FBXO24: variants seen among roughly 807,000 people sequenced by gnomAD.
The protein encoded by FBXO24 is F-box only protein 24.
FBXO24 carries 30 observed loss-of-function variants against 63.5 expected under a neutral mutation model. The ratio of observed to expected loss-of-function variants is 0.47; its 90% confidence interval spans 0.35 to 0.64. The LOEUF (loss-of-function observed/expected upper bound fraction) is 0.64, where lower values mean the gene tolerates loss of function less well. FBXO24 is among the 30% of genes least tolerant of loss of function. The pLI is 0.00. For missense variants in FBXO24, 624 were observed against 763.4 expected (o/e 0.82, Z 2.15); for synonymous variants, 300 against 305.0 (o/e 0.98, Z 0.17).
At position 100,600,559 on chromosome 7, in the gene FBXO24, G is replaced by C. The variant is rs1276693296; in HGVS notation, c.1403G>C (p.Cys468Ser). ...VKVPLCACALCATRECLYILS... is the reference protein window; with the variant it reads ...VKVPLCACALSATRECLYILS... ...GTCCCTCTGTGTGCCTGTGCCCTCTGTGCCACCAGGGAGTGCCTATACATC... is the reference window on the plus strand; with the variant it reads ...GTCCCTCTGTGTGCCTGTGCCCTCTCTGCCACCAGGGAGTGCCTATACATC... The change falls in exon 10 of 10, where the codon TGT (cysteine) becomes TCT (serine). Residue 468 changes from cysteine to serine, a missense_variant. Coordinates refer to ENST00000241071, the MANE Select transcript of FBXO24 (RefSeq NM_033506.3). The surrounding 1 kb of genome is among the most constrained non-coding windows in gnomAD (Gnocchi z 6.3). The C allele has an allele frequency of 1.9e-6, 3 of 1,577,468 alleles. No homozygotes were observed. The highest frequency in any genetic ancestry group is 2.6e-6 in the Non-Finnish European group (3 of 1,159,074).
At chr7:100,587,370 T>C (rs910499861) in intron 1 of FBXO24, among the ~76,000 whole-genome samples, 3 of 146,230 alleles carry the variant, frequency 2.1e-5, no homozygotes, top group African/African-American at 7.7e-5. Context: ...TGGCGCGATC[T>C]CGGCTCACAG....
chr7:100,591,712 G>A lies in FBXO24; in HGVS notation c.368G>A (p.Cys123Tyr), dbSNP rs1802037723. ...CAGGCATTTGGAGGCCGCCGCCGAT[G>A]TCTCAGCAAGAGCGTGGCCCCCTTG... is the stretch of plus-strand genomic sequence containing the variant. ...YFQAFGGRRRCLSKSVAPLLA... is the reference protein window; with the variant it reads ...YFQAFGGRRRYLSKSVAPLLA... The change falls in exon 4 of 10, where the codon TGT (cysteine) becomes TAT (tyrosine). Residue 123 changes from cysteine to tyrosine, a missense_variant. Coordinates refer to ENST00000241071, the MANE Select transcript of FBXO24 (RefSeq NM_033506.3). The A allele has an allele frequency of 6.2e-7, 1 of 1,614,228 alleles. No homozygotes were observed. Among genetic ancestry groups the A allele is most frequent in the Admixed American group, 1.7e-5 (1 of 60,024 alleles).
At position 100,600,333 on chromosome 7, in the gene FBXO24, C is replaced by A; in HGVS notation, c.1377+132C>A. 7.4e-7 allele frequency: 1 copy of A among 1,357,110 alleles called. No individual in the cohort carries two copies. The highest frequency in any genetic ancestry group is 9.9e-7 in the Non-Finnish European group (1 of 1,012,880). 84.1% of individuals were successfully genotyped at this position (1,357,110 alleles called of 1,614,324 possible). On this transcript the variant is annotated intron_variant, in intron 9 of 9. Coordinates refer to ENST00000241071, the MANE Select transcript of FBXO24 (RefSeq NM_033506.3). The surrounding 1 kb of genome is among the most constrained non-coding windows in gnomAD (Gnocchi z 6.3). Reference sequence around the variant, plus strand: ...TTCCCTAGCACCACCCCACCTCCCTCCTCTGCCGCACACCACGCTCTCTGC... The same window carrying A: ...TTCCCTAGCACCACCCCACCTCCCTACTCTGCCGCACACCACGCTCTCTGC...
At chr7:100,591,518 A>G (rs992225000) in intron 3 of FBXO24, 149 bp from the exon 4 acceptor site, 3 of 664,278 alleles carry the variant, frequency 4.5e-6, no homozygotes, top group Non-Finnish European at 7.8e-6. Flanking sequence ...TATTTTCCAC[A>G]TCTCCTTCAT....
chr7:100,589,732 G>C (rs1369371428), intron 1 of FBXO24: 1 of 1,547,998 alleles, frequency 6.5e-7, no homozygotes, highest in South Asian at 1.2e-5. Context: ...ATGGTCAGGG[G>C]AAGCCAGAGA....
rs779983287 is a variant in FBXO24 at position 100,600,539 on chromosome 7, T to C, written c.1383T>C (p.Pro461=). The change falls in exon 10 of 10, where the codon CCT becomes CCC. Residue 461 remains proline, a synonymous_variant. Coordinates refer to ENST00000241071, the MANE Select transcript of FBXO24 (RefSeq NM_033506.3). The surrounding 1 kb of genome is among the most constrained non-coding windows in gnomAD (Gnocchi z 6.3). ...ASFVKLQVKV[P]LCACALCATR... is the part of the protein sequence containing the mutation. ...CCTTTCTCTCCTCCTCCAAGGTCCC[T>C]CTGTGTGCCTGTGCCCTCTGTGCCA... 1.9e-6 allele frequency: 3 copies of C among 1,551,782 alleles called. No homozygotes were observed. Among genetic ancestry groups the C allele is most frequent in the Middle Eastern group, 1.7e-4 (1 of 5,738 alleles).
At chr7:100,587,602 CTTT>C (rs138687549) in intron 1 of FBXO24, among the ~76,000 whole-genome samples, 1 of 117,828 alleles carries the variant, frequency 8.5e-6, no homozygotes, top group Non-Finnish European at 1.7e-5. Flanking sequence ...CGCGCCCGGC[CTTT>C]TTTTTTTTTT....
In FBXO24 at chr7:100,594,579, T is replaced by G; in HGVS notation, c.952+38T>G. ...TCCCCCCGGCTCAAGCCCGCAGCCT[T>G]GGTTAGACCCTCTAAACATCAACAC... On this transcript the variant is annotated intron_variant, in intron 6 of 9. Transcript: ENST00000241071. This position sits in a 1 kb window ranked among gnomAD's most constrained non-coding sequence, Gnocchi z 4.2. 2.7e-6 allele frequency: 4 copies of G among 1,506,406 alleles called. No individual in the cohort carries two copies. Among genetic ancestry groups the G allele is most frequent in the Non-Finnish European group, 3.6e-6 (4 of 1,125,954 alleles). 93.3% of individuals were successfully genotyped at this position (1,506,406 alleles called of 1,614,324 possible). A position where few individuals can be genotyped will look rare whatever the true frequency, so the allele number is the denominator to read the frequency against.
At position 100,593,010 on chromosome 7, in the gene FBXO24, C is replaced by T. The variant is rs759135273; in HGVS notation, c.786C>T (p.Leu262=). ...AGGAGACCCAGCGGGCTCTACTGCT[C>T]CTCACAGGTGTGGCCCAAAGCAATG... The part of the protein sequence containing the change: ...VGQETQRALL[L]LTEEGKIYSL... The change falls in exon 5 of 10, where the codon CTC becomes CTT. Residue 262 remains leucine, a synonymous_variant. Transcript: ENST00000241071. The T allele has an allele frequency of 2.5e-6, 4 of 1,613,674 alleles. No homozygotes were observed. The highest frequency in any genetic ancestry group is 1.1e-5 in the South Asian group (1 of 91,012).
chr7:100,586,493 G>A lies in FBXO24; in HGVS notation c.-133G>A, dbSNP rs1801758718. On this transcript the variant is annotated 5_prime_UTR_variant, in exon 1 of 10. Transcript: ENST00000241071. ...GGCCGAGGGACCGCAAGCAGGGGGT[G>A]CCTAGTCCTCGTCCCCCAAAGACCA... is the stretch of plus-strand genomic sequence containing the variant. 2.2e-6 allele frequency: 2 copies of A among 913,634 alleles called. No individual in the cohort carries two copies. The highest frequency in any genetic ancestry group is 1.8e-6 in the Non-Finnish European group (1 of 568,446). The allele number at this position is 913,634 out of a possible 1,614,324, so 56.6% of individuals were successfully genotyped here.
chr7:100,592,762 C>T (rs757947812), intron 4 of FBXO24, 21 bp from the exon 5 acceptor site: 18 of 1,597,492 alleles, frequency 1.1e-5, no homozygotes, highest in Non-Finnish European at 1.5e-5. Flanking sequence ...AGATCCCAGA[C>T]GCCCTCATCT....
intron 4 of FBXO24, among the ~76,000 whole-genome samples, 182 bp from the exon 5 acceptor site, chr7:100,592,601 C>T (rs1802084994): frequency 6.6e-6 from 1 of 150,948 alleles, no homozygotes; most frequent in African/African-American, 2.5e-5. Context: ...AGGACCCAGG[C>T]CCCCATCAGT....
intron 8 of FBXO24, 44 bp from the exon 9 acceptor site, chr7:100,599,987 C>A: frequency 2.1e-5 from 28 of 1,364,792 alleles, no homozygotes; most frequent in Admixed American, 3.7e-5. Context: ...GCCCCCCCGT[C>A]CCTTGGTGCT....
Position 100,592,763 on chromosome 7 carries a change from G to A in FBXO24, c.559-20G>A, listed in dbSNP as rs779535782. 9 of 1,599,454 alleles carry A rather than the reference G, an allele frequency of 5.6e-6. No homozygotes were observed. The highest frequency in any genetic ancestry group is 2.2e-5 in the East Asian group (1 of 44,744). ...CATTTTGAAACTCTAGATCCCAGAC[G>A]CCCTCATCTTTTCCCCCAGTTTGCC... is the stretch of plus-strand genomic sequence containing the variant. On this transcript the variant is annotated intron_variant, in intron 4 of 9. Coordinates refer to ENST00000241071, the MANE Select transcript of FBXO24 (RefSeq NM_033506.3).
chr7:100,591,139 G>C (rs1347314026), intron 3 of FBXO24, among the ~76,000 whole-genome samples: 1 of 144,884 alleles, frequency 6.9e-6, no homozygotes, highest in Non-Finnish European at 1.5e-5. Context: ...CCGGGTTCAA[G>C]TATTCTCGTG....
intron 8 of FBXO24, chr7:100,599,522 C>G (rs1195328004): frequency 6.4e-6 from 1 of 155,362 alleles, no homozygotes; most frequent in African/African-American, 2.4e-5. Context: ...TTGCAGTGAG[C>G]CGAGATCGCA....
Position 100,594,076 on chromosome 7 carries a change from CA to C in FBXO24, c.794-306del, listed in dbSNP as rs1802172478. Reference sequence around the variant, plus strand: ...TGCTGGGATTACAGGTGTGAGCCACCACACTTGACCACCTCTAAACTTCTGA... The same window carrying C: ...TGCTGGGATTACAGGTGTGAGCCACCCACTTGACCACCTCTAAACTTCTGA... On this transcript the variant is annotated intron_variant, in intron 5 of 9. Transcript: ENST00000241071. This position sits in a 1 kb window ranked among gnomAD's most constrained non-coding sequence, Gnocchi z 4.2. Among the ~76,000 whole-genome samples the C allele has an allele frequency of 6.6e-6, 1 of 152,088 alleles. No individual in the cohort carries two copies. The highest frequency in any genetic ancestry group is 6.6e-5 in the Admixed American group (1 of 15,266).
rs1260488167 is a variant in FBXO24 at position 100,590,276 on chromosome 7, C to T, written c.241C>T (p.Arg81Cys). 4 of 1,614,180 alleles carry T rather than the reference C, an allele frequency of 2.5e-6. No individual in the cohort carries two copies. The highest frequency in any genetic ancestry group is 2.2e-5 in the East Asian group (1 of 44,886). Reference sequence around the variant, plus strand: ...GTGCGATGGGGAAGGCGTGTGGAGACGCATCTGTCGCAGACTCAGTCCGCG... The same window carrying T: ...GTGCGATGGGGAAGGCGTGTGGAGATGCATCTGTCGCAGACTCAGTCCGCG... The part of the protein sequence containing the change: ...EVCDGEGVWR[R>C]ICRRLSPRLQ... The change falls in exon 3 of 10, where the codon CGC becomes TGC. Residue 81 changes from arginine to cysteine, a missense_variant. By Grantham distance (180) the Arg-to-Cys change is radical. This residue lies in a region of FBXO24 where 391 missense variants were observed against 469.1 expected (regional missense o/e 0.83). Transcript: ENST00000241071.
intron 1 of FBXO24, 133 bp from the exon 2 acceptor site, chr7:100,589,844 G>C: frequency 6.5e-7 from 1 of 1,537,818 alleles, no homozygotes; most frequent in Non-Finnish European, 8.8e-7. Context: ...GGAGAAGTTA[G>C]GGATGGGTCT....
Sources: gnomAD v4.1 joint callset for allele counts (sites outside exome capture counted in the v4.1 genomes callset) on GRCh38, gnomAD v4.1.1 for gene constraint, gnomAD v4.1.1 regional missense constraint, Gnocchi (gnomAD v3.1) non-coding constraint, MANE v1.5 for transcripts, NCBI Gene and HGNC (gene_info 2026-07-23, HGNC 2026-07-21) for gene names.